Variants in VIRMA observed in about 807,000 individuals in gnomAD.
VIRMA encodes protein virilizer homolog.
A neutral mutation model predicts 182.4 loss-of-function variants in VIRMA; 65 were observed. The observed-to-expected ratio is 0.36, with a 90% confidence interval of 0.29 to 0.44. The LOEUF (loss-of-function observed/expected upper bound fraction) is 0.44, where lower values mean the gene tolerates loss of function less well. Among genes scored for constraint, VIRMA ranks in the 20% least tolerant of loss-of-function variants. VIRMA has a pLI of 1.00. For synonymous variants in VIRMA, 709 were observed against 743.1 expected (o/e 0.95, Z 0.75); for missense variants, 1,752 against 2,158.1 (o/e 0.81, Z 3.73).
intron 4 of VIRMA, among the ~76,000 whole-genome samples, chr8:94,535,728 C>T (rs1165991199): frequency 2.0e-5 from 3 of 150,216 alleles, no homozygotes; most frequent in Admixed American, 6.7e-5. Flanking sequence ...TGCAGTGAGC[C>T]AAGATTGCGC....
At chr8:94,543,610 A>G (rs1815653907) in intron 2 of VIRMA, among the ~76,000 whole-genome samples, 1 of 152,036 alleles carries the variant, frequency 6.6e-6, no homozygotes, top group Non-Finnish European at 1.5e-5. Context: ...GAAAAATCTT[A>G]TCTAGTACAC....
Position 94,527,336 on chromosome 8 carries a change from C to A in VIRMA, c.908G>T (p.Ser303Ile). 1 of 1,581,988 alleles carries A rather than the reference C, an allele frequency of 6.3e-7. No individual in the cohort carries two copies. Among genetic ancestry groups the A allele is most frequent in the Non-Finnish European group, 8.6e-7 (1 of 1,161,554 alleles). ...CAAGTCAGCAATTCCATCTTCATCA[C>A]TGGAAATTTGTTCATAACCATCATC... ...EGDDGYEQIS[S>I]DEDGIADLER... The change falls in exon 8 of 24, where the codon AGT (serine) becomes ATT (isoleucine). Residue 303 changes from serine (S) to isoleucine (I), a missense_variant. This residue lies in a region of VIRMA where 31 missense variants were observed against 68.4 expected (regional missense o/e 0.45). Coordinates refer to ENST00000297591, the MANE Select transcript of VIRMA (RefSeq NM_015496.5).
chr8:94,503,411 C>G (rs762886825), intron 16 of VIRMA, among the ~76,000 whole-genome samples: 16 of 152,124 alleles, frequency 1.1e-4, no homozygotes, highest in Non-Finnish European at 2.2e-4. Flanking sequence ...TCTGTAATAT[C>G]CCTATCAACA....
chr8:94,522,141 A>T (rs1814794107), intron 8 of VIRMA, among the ~76,000 whole-genome samples: 3 of 152,210 alleles, frequency 2.0e-5, no homozygotes, highest in African/African-American at 7.2e-5. Context: ...AAAAATTTGC[A>T]TGCCAATTAG....
At chr8:94,525,263 G>A (rs1474852683) in intron 8 of VIRMA, among the ~76,000 whole-genome samples, 1 of 152,216 alleles carries the variant, frequency 6.6e-6, no homozygotes, top group East Asian at 1.9e-4. Flanking sequence ...GGATAAGCAG[G>A]AGATACACTT....
At chr8:94,491,506 TA>T in intron 22 of VIRMA, 71 bp downstream of exon 22, 1 of 1,365,058 alleles carries the variant, frequency 7.3e-7, no homozygotes, top group Non-Finnish European at 1.0e-6. Context: ...CTCTTCCATC[TA>T]AATCACTTTC....
Position 94,492,693 on chromosome 8 carries a change from G to C in VIRMA, c.4767C>G (p.Phe1589Leu). Residue 1589 changes from phenylalanine (F) to leucine (L), a missense_variant, in exon 21 of 24, where the codon TTC (phenylalanine) becomes TTG (leucine). Phe to Leu is a conservative substitution (Grantham distance 22, BLOSUM62 0). This residue lies in a region of VIRMA where 777 missense variants were observed against 920.6 expected (regional missense o/e 0.84). Transcript: ENST00000297591. Reference protein sequence around the residue: ...SPGRTKTTKGFKLGKHKHETF... With the variant: ...SPGRTKTTKGLKLGKHKHETF... ...TCTCATGCTTGTGCTTCCCAAGTTTGAATCCTTTAGTAGTCTTGGTTCTTC... is the reference window on the plus strand; with the variant it reads ...TCTCATGCTTGTGCTTCCCAAGTTTCAATCCTTTAGTAGTCTTGGTTCTTC... 6.2e-7 allele frequency: 1 copy of C among 1,613,936 alleles called. No individual in the cohort carries two copies. Among genetic ancestry groups the C allele is most frequent in the South Asian group, 1.1e-5 (1 of 91,068 alleles).
Position 94,543,944 on chromosome 8 carries a change from T to C in VIRMA, c.64-2A>G. The C allele has an allele frequency of 6.4e-7, 1 of 1,567,244 alleles. No individual in the cohort carries two copies. Among genetic ancestry groups the C allele is most frequent in the Non-Finnish European group, 8.7e-7 (1 of 1,144,378 alleles). On this transcript the variant is annotated splice_acceptor_variant, in intron 1 of 23. Transcript: ENST00000297591. LOFTEE classifies it high-confidence loss of function. ...AACCACATCTATATGAGAACTTTGC[T>C]GTAACAAAAAAAAAGCCGGAGGGGG...
chr8:94,496,094 T>C, intron 18 of VIRMA: 1 of 616,296 alleles, frequency 1.6e-6, no homozygotes, highest in East Asian at 2.8e-5. Flanking sequence ...CAGCAGAGGG[T>C]ACCCTGCTTC....
intron 1 of VIRMA, among the ~76,000 whole-genome samples, chr8:94,550,913 T>A (rs1157242036): frequency 6.6e-6 from 1 of 151,878 alleles, no homozygotes; most frequent in Admixed American, 6.6e-5. Flanking sequence ...GAGACGGGGT[T>A]TCACTGTGTT....
chr8:94,509,994 T>C (rs1170936336), intron 14 of VIRMA, 54 bp from the exon 15 acceptor site: 6 of 1,473,748 alleles, frequency 4.1e-6, no homozygotes, highest in African/African-American at 2.8e-5. Context: ...TAAGGCATTG[T>C]TTAACTAGTA....
intron 8 of VIRMA, among the ~76,000 whole-genome samples, chr8:94,522,977 A>ACCTC (rs1448508729): frequency 1.3e-5 from 2 of 151,982 alleles, no homozygotes; most frequent in Non-Finnish European, 2.9e-5. Flanking sequence ...ACCCAAATAT[A>ACCTC]CCTCCTCCAT....
At chr8:94,544,075 A>G in intron 1 of VIRMA, 133 bp from the exon 2 acceptor site, 1 of 568,784 alleles carries the variant, frequency 1.8e-6, no homozygotes, top group Non-Finnish European at 3.1e-6. Flanking sequence ...CATTAAATAT[A>G]TTATTTACAG....
rs1813779884 is a variant in VIRMA at position 94,496,465 on chromosome 8, C to T, written c.4246G>A (p.Asp1416Asn). 2 of 1,611,834 alleles carry T rather than the reference C, an allele frequency of 1.2e-6. No homozygotes were observed. Among genetic ancestry groups the T allele is most frequent in the Non-Finnish European group, 1.7e-6 (2 of 1,179,098 alleles). The stretch of plus-strand genomic sequence containing the variant: ...CCCTCTACTTCCATGAGACCATTAT[C>T]ATCTCCACAGCATCCCTGTAAATGT... ...NSDTIGCCGDDNGLMEVEGAH... is the reference protein window; with the variant it reads ...NSDTIGCCGDNNGLMEVEGAH... The change falls in exon 18 of 24, where the codon GAT (aspartate) becomes AAT (asparagine). Residue 1416 changes from aspartate (D) to asparagine (N), a missense_variant. This residue lies in a region of VIRMA where 777 missense variants were observed against 920.6 expected (regional missense o/e 0.84). Coordinates refer to ENST00000297591, the MANE Select transcript of VIRMA (RefSeq NM_015496.5).
In VIRMA at chr8:94,543,858, G is replaced by A. The variant is rs1563482224; in HGVS notation, c.148C>T (p.His50Tyr). 6.2e-7 allele frequency: 1 copy of A among 1,610,598 alleles called. No homozygotes were observed. Among genetic ancestry groups the A allele is most frequent in the Non-Finnish European group, 8.5e-7 (1 of 1,177,346 alleles). Residue 50 changes from histidine (H) to tyrosine (Y), a missense_variant, in exon 2 of 24, where the codon CAT becomes TAT. This residue lies in a region of VIRMA where 195 missense variants were observed against 191.7 expected (regional missense o/e 1.02). Coordinates refer to ENST00000297591, the MANE Select transcript of VIRMA (RefSeq NM_015496.5). Reference sequence around the variant, plus strand: ...GCTCTATTGTCTGGCAGACTGCTATGGGCTCTTACTCCTGGGGGTATGACT... The same window carrying A: ...GCTCTATTGTCTGGCAGACTGCTATAGGCTCTTACTCCTGGGGGTATGACT... ...VRVIPPGVRA[H>Y]SSLPDNRAYG...
intron 11 of VIRMA, among the ~76,000 whole-genome samples, chr8:94,514,333 T>C (rs759027164): frequency 6.6e-6 from 1 of 152,212 alleles, no homozygotes; most frequent in Non-Finnish European, 1.5e-5. Flanking sequence ...TTATGAATTA[T>C]TTAAATTGAA....
chr8:94,490,833 G>A (rs1276727714), intron 22 of VIRMA, among the ~76,000 whole-genome samples: 3 of 151,106 alleles, frequency 2.0e-5, no homozygotes, highest in African/African-American at 7.3e-5. Flanking sequence ...GGCAAGAAGA[G>A]CAAAACTCTG....
In VIRMA at chr8:94,553,429, T is replaced by C. The variant is rs182343891; in HGVS notation, c.19A>G (p.Met7Val). 6 of 1,613,952 alleles carry C rather than the reference T, an allele frequency of 3.7e-6. No individual in the cohort carries two copies. The highest frequency in any genetic ancestry group is 5.1e-6 in the Non-Finnish European group (6 of 1,180,016). ...AAAGTATCTAAAAATAACAGCTCCA[T>C]CGCCGAGTCCACCGCCATGTTTGCC... MAVDSAMELLFLDTFKH... is the reference protein window; with the variant it reads MAVDSAVELLFLDTFKH... Residue 7 changes from methionine to valine, a missense_variant, in exon 1 of 24, where the codon ATG (methionine) becomes GTG (valine). Transcript: ENST00000297591.
At chr8:94,517,708 G>A (rs1814607159) in intron 10 of VIRMA, 80 bp downstream of exon 10, 1 of 982,774 alleles carries the variant, frequency 1.0e-6, no homozygotes, top group Admixed American at 2.6e-5. Context: ...ATCGAAACAT[G>A]ATGAAGGACT....
Sources: allele counts gnomAD v4.1 joint callset (sites outside exome capture counted in the v4.1 genomes callset), GRCh38; gene constraint gnomAD v4.1.1; regional missense constraint gnomAD v4.1.1; transcripts MANE v1.5; gene names NCBI Gene and HGNC (gene_info 2026-07-23, HGNC 2026-07-21).